Variants in BMP2K observed in about 807,000 individuals in gnomAD.
BMP2K encodes BMP2 inducible kinase, also known as BMP-2-inducible protein kinase.
BMP2K carries 74 observed loss-of-function variants against 116.0 expected under a neutral mutation model. The observed-to-expected ratio is 0.64, with a 90% CI of 0.53 to 0.77. BMP2K has a LOEUF of 0.77. BMP2K is among the 30% of genes least tolerant of loss of function. The pLI, the probability that BMP2K is intolerant of heterozygous loss-of-function variation, is 0.00. For synonymous variants in BMP2K, 486 were observed against 502.5 expected (o/e 0.97, Z 0.44); for missense variants, 1,365 against 1,403.6 (o/e 0.97, Z 0.44).
intron 13 of BMP2K, among the ~76,000 whole-genome samples, chr4:78,874,308 T>C (rs1732531347): frequency 6.6e-6 from 1 of 152,200 alleles, no homozygotes. Context: ...TTAGTAACAT[T>C]ATTGTGTATA....
At chr4:78,826,882 T>G (rs1288107240) in intron 2 of BMP2K, among the ~76,000 whole-genome samples, 1 of 152,196 alleles carries the variant, frequency 6.6e-6, no homozygotes, top group Non-Finnish European at 1.5e-5. Flanking sequence ...CTTAAGAAAT[T>G]AAACCCTACA....
intron 1 of BMP2K, among the ~76,000 whole-genome samples, chr4:78,789,272 G>A (rs1464776463): frequency 2.0e-5 from 3 of 152,182 alleles, no homozygotes; most frequent in Non-Finnish European, 4.4e-5. Flanking sequence ...ATTGTGGAGA[G>A]TAGAACTTAG....
At chr4:78,826,737 A>C (rs1278607834) in intron 2 of BMP2K, among the ~76,000 whole-genome samples, 2 of 151,896 alleles carry the variant, frequency 1.3e-5, no homozygotes. Context: ...ACCTACACAC[A>C]TCATCCTGTA....
intron 7 of BMP2K, among the ~76,000 whole-genome samples, chr4:78,852,182 G>A (rs1307039123): frequency 3.3e-5 from 5 of 151,950 alleles, no homozygotes; most frequent in African/African-American, 1.2e-4. Flanking sequence ...TGGGAGTGGG[G>A]TGGGGTTATG....
At chr4:78,890,721 A>G (rs990418303) in intron 15 of BMP2K, among the ~76,000 whole-genome samples, 2 of 152,156 alleles carry the variant, frequency 1.3e-5, no homozygotes, top group African/African-American at 4.8e-5. Context: ...TACATCTCTC[A>G]TGGAGCTCTG....
At position 78,913,119 on chromosome 4, in the gene BMP2K, ATTATT is replaced by A. The variant is rs1420853877; in HGVS notation, c.*1089_*1093del. 6.6e-6 allele frequency: 1 copy of A among 151,232 alleles called. No individual in the cohort carries two copies. Among genetic ancestry groups the A allele is most frequent in the Non-Finnish European group, 1.5e-5 (1 of 67,874 alleles). 9.4% of individuals were successfully genotyped at this position (151,232 alleles called of 1,614,324 possible). A position where few individuals can be genotyped will look rare whatever the true frequency, so the allele number is the denominator to read the frequency against. ...AATATTCCCCAAGTCATAAGCAACA[ATTATT>A]TTTATTAGGTTTTGGGGGGTGGAGT... On this transcript the variant is annotated 3_prime_UTR_variant, in exon 16 of 16. Coordinates refer to ENST00000502613, the MANE Select transcript of BMP2K (RefSeq NM_198892.2).
Position 78,833,687 on chromosome 4 carries a change from G to A in BMP2K, c.403G>A (p.Ala135Thr), listed in dbSNP as rs748285805. 1.9e-6 allele frequency: 3 copies of A among 1,592,598 alleles called. No individual in the cohort carries two copies. The highest frequency in any genetic ancestry group is 2.3e-5 in the South Asian group (2 of 86,994). ...CCTTATCTTAATGGAATATTGTCGA[G>A]GTAAGTATTTTTTTGCATTTGTACT... ...EVLILMEYCR[A>T]GQVVNQMNKK... Residue 135 changes from alanine to threonine, a missense_variant and splice_region_variant, in exon 3 of 16, where the codon GCT (alanine) becomes ACT (threonine). By Grantham distance (58) the Ala-to-Thr change is moderately conservative. This residue lies in a region of BMP2K where 762 missense variants were observed against 756.7 expected (regional missense o/e 1.01). Transcript: ENST00000502613.
At chr4:78,834,080 G>T (rs1366537816) in intron 3 of BMP2K, among the ~76,000 whole-genome samples, 1 of 151,594 alleles carries the variant, frequency 6.6e-6, no homozygotes, top group Non-Finnish European at 1.5e-5. Flanking sequence ...CAAATTTGGA[G>T]GATGCATTTT....
chr4:78,915,867 C>T lies in BMP2K; in HGVS notation c.*3834C>T, dbSNP rs1735010904. 6.6e-6 allele frequency: 1 copy of T among 151,816 alleles called. No individual in the cohort carries two copies. The highest frequency in any genetic ancestry group is 1.5e-5 in the Non-Finnish European group (1 of 67,840). 9.4% of individuals were successfully genotyped at this position (151,816 alleles called of 1,614,324 possible). A position where few individuals can be genotyped will look rare whatever the true frequency, so the allele number is the denominator to read the frequency against. On this transcript the variant is annotated 3_prime_UTR_variant, in exon 16 of 16. Coordinates refer to ENST00000502613, the MANE Select transcript of BMP2K (RefSeq NM_198892.2). ...AAAGAATTGTTTTTATGACTATGCT[C>T]TTTTTGTGATTGAAAAGTCATCTAA...
At chr4:78,782,397 A>C (rs1209878252) in intron 1 of BMP2K, among the ~76,000 whole-genome samples, 3 of 152,240 alleles carry the variant, frequency 2.0e-5, no homozygotes, top group Admixed American at 6.5e-5. Flanking sequence ...GTATCACACA[A>C]GTTGGCCATA....
intron 1 of BMP2K, among the ~76,000 whole-genome samples, chr4:78,820,452 G>A (rs1246700438): frequency 3.9e-5 from 6 of 152,036 alleles, no homozygotes; most frequent in Admixed American, 6.6e-5. Flanking sequence ...TATGGAAACC[G>A]ATGTACTTCA....
intron 14 of BMP2K, 60 bp from the exon 15 acceptor site, chr4:78,887,114 A>C: frequency 8.2e-7 from 1 of 1,223,890 alleles, no homozygotes; most frequent in South Asian, 1.4e-5. Flanking sequence ...ATCACTTTTT[A>C]ATTTAAAGAT....
At chr4:78,859,842 G>T (rs1254132670) in intron 8 of BMP2K, among the ~76,000 whole-genome samples, 155 bp downstream of exon 8, 1 of 151,498 alleles carries the variant, frequency 6.6e-6, no homozygotes, top group Non-Finnish European at 1.5e-5. Flanking sequence ...TGATATTTGT[G>T]GTATAAAGCT....
In BMP2K at chr4:78,833,684, C is replaced by A; in HGVS notation, c.400C>A (p.Arg134=). The change falls in exon 3 of 16, where the codon CGA becomes AGA. Residue 134 remains arginine (R), a synonymous_variant. Coordinates refer to ENST00000502613, the MANE Select transcript of BMP2K (RefSeq NM_198892.2). ...AGTCCTTATCTTAATGGAATATTGT[C>A]GAGGTAAGTATTTTTTTGCATTTGT... ...WEVLILMEYC[R]AGQVVNQMNK... 1 of 1,593,748 alleles carries A rather than the reference C, an allele frequency of 6.3e-7. No homozygotes were observed. Among genetic ancestry groups the A allele is most frequent in the South Asian group, 1.1e-5 (1 of 87,288 alleles).
intron 2 of BMP2K, among the ~76,000 whole-genome samples, chr4:78,827,549 C>T (rs943673716): frequency 3.3e-5 from 5 of 152,228 alleles, no homozygotes; most frequent in South Asian, 2.1e-4. Flanking sequence ...CCTATGTGTG[C>T]TCATAGACAC....
At position 78,844,956 on chromosome 4, in the gene BMP2K, G is replaced by T; in HGVS notation, c.575G>T (p.Gly192Val). The T allele has an allele frequency of 1.9e-6, 3 of 1,597,354 alleles. No homozygotes were observed. The highest frequency in any genetic ancestry group is 2.2e-5 in the East Asian group (1 of 44,494). The stretch of plus-strand genomic sequence containing the variant: ...GAAAATATTTTGTTGAATGATGGTG[G>T]GAACTATGTACTTTGTGACTTTGGC... The part of the protein sequence containing the change: ...KVENILLNDG[G>V]NYVLCDFGSA... The change falls in exon 5 of 16, where the codon GGG becomes GTG. Residue 192 changes from glycine (G) to valine (V), a missense_variant. By Grantham distance (109) the Gly-to-Val change is moderately radical (BLOSUM62 -3). This residue lies in a region of BMP2K where 762 missense variants were observed against 756.7 expected (regional missense o/e 1.01). Coordinates refer to ENST00000502613, the MANE Select transcript of BMP2K (RefSeq NM_198892.2).
intron 15 of BMP2K, among the ~76,000 whole-genome samples, chr4:78,907,035 G>A (rs1296596683): frequency 1.3e-5 from 2 of 151,844 alleles, no homozygotes; most frequent in Non-Finnish European, 2.9e-5. Context: ...ACTCCTTGAA[G>A]GAAAAAGTGC....
chr4:78,781,845 A>G (rs1346854620), intron 1 of BMP2K, among the ~76,000 whole-genome samples: 1 of 152,154 alleles, frequency 6.6e-6, no homozygotes, highest in Non-Finnish European at 1.5e-5. Context: ...AGTACCGAGT[A>G]CCACTGATTT....
intron 15 of BMP2K, among the ~76,000 whole-genome samples, chr4:78,910,285 T>C (rs1734516370): frequency 6.6e-6 from 1 of 152,208 alleles, no homozygotes; most frequent in Non-Finnish European, 1.5e-5. Flanking sequence ...CAGAATAATG[T>C]TATTTTGGTG....
Sources: gnomAD v4.1 joint callset for allele counts (sites outside exome capture counted in the v4.1 genomes callset) on GRCh38, gnomAD v4.1.1 for gene constraint, gnomAD v4.1.1 regional missense constraint, MANE v1.5 for transcripts, NCBI Gene and HGNC (gene_info 2026-07-23, HGNC 2026-07-21) for gene names.